EPC2: variants seen among roughly 807,000 people sequenced by gnomAD.
EPC2 encodes the protein enhancer of polycomb homolog 2.
A neutral mutation model predicts 92.1 loss-of-function variants in EPC2; 14 were observed. The ratio of observed to expected loss-of-function variants is 0.15; its 90% confidence interval spans 0.10 to 0.24. EPC2 has a LOEUF of 0.24. Among genes scored for constraint, EPC2 ranks in the 10% least tolerant of loss-of-function variants. The probability of loss-of-function intolerance (pLI) is 1.00; values close to 1 mark genes in which losing one functional copy is unlikely to be tolerated. For missense variants in EPC2, 755 were observed against 971.5 expected, an observed-to-expected ratio of 0.78 and a Z score of 2.96; for synonymous variants, 340 against 334.7, an observed-to-expected ratio of 1.02 and a Z score of -0.17.
rs1430623953 is a variant in EPC2, at chr2:148,771,351, G to A, written c.1684G>A (p.Val562Ile). Reference protein sequence around the residue: ...VNNKRVSAASVALLNTSKNGI... With the variant: ...VNNKRVSAASIALLNTSKNGI... Reference sequence around the variant, plus strand: ...CAATAAAAGAGTTTCTGCAGCATCTGTAGCTTTATTGAACACCAGCAAGAA... The same window carrying A: ...CAATAAAAGAGTTTCTGCAGCATCTATAGCTTTATTGAACACCAGCAAGAA... Residue 562 changes from valine (V) to isoleucine (I), a missense_variant, in exon 10 of 14, where the codon GTA (valine) becomes ATA (isoleucine). Coordinates refer to ENST00000258484, the MANE Select transcript of EPC2 (RefSeq NM_015630.4). 5 of 1,608,560 alleles carry A rather than the reference G, an allele frequency of 3.1e-6. No homozygotes were observed. Among genetic ancestry groups the A allele is most frequent in the Middle Eastern group, 1.7e-4 (1 of 6,030 alleles).
At chr2:148,722,597 A>G (rs1278117446) in intron 2 of EPC2, among the ~76,000 whole-genome samples, 3 of 152,220 alleles carry the variant, frequency 2.0e-5, no homozygotes, top group African/African-American at 4.8e-5. Context: ...TAGTTCAGCC[A>G]TTGTGGAAGC....
chr2:148,774,920 T>C (rs1683597571), intron 10 of EPC2, among the ~76,000 whole-genome samples: 1 of 151,326 alleles, frequency 6.6e-6, no homozygotes, highest in African/African-American at 2.4e-5. Context: ...ACCCCGACTC[T>C]ACTAAAAATA....
chr2:148,732,644 G>T (rs1421373348), intron 2 of EPC2, among the ~76,000 whole-genome samples: 2 of 152,018 alleles, frequency 1.3e-5, no homozygotes, highest in African/African-American at 4.8e-5. Context: ...GCCTTCCAAA[G>T]TGCTGGGATT....
At position 148,770,838 on chromosome 2, in the gene EPC2, C is replaced by A. The variant is rs1683502370; in HGVS notation, c.1277C>A (p.Ala426Glu). 6.2e-7 allele frequency: 1 copy of A among 1,613,566 alleles called. No individual in the cohort carries two copies. The highest frequency in any genetic ancestry group is 8.5e-7 in the Non-Finnish European group (1 of 1,179,758). ...ANHSCENSEL[A>E]DLDKLRYRHC... ...CATTCATGTGAAAATTCAGAATTGG[C>A]AGATTTGGATAAGTTGAGGTATAGG... The change falls in exon 9 of 14, where the codon GCA (alanine) becomes GAA (glutamate). Residue 426 changes from alanine to glutamate, a missense_variant. Physicochemically the swap from Ala to Glu is moderately radical, Grantham distance 107. Transcript: ENST00000258484.
chr2:148,783,471 T>A, intron 11 of EPC2, 126 bp from the exon 12 acceptor site: 1 of 834,690 alleles, frequency 1.2e-6, no homozygotes, highest in Non-Finnish European at 1.8e-6. Flanking sequence ...CGTAGATCGC[T>A]TAATCTAAAC....
intron 2 of EPC2, among the ~76,000 whole-genome samples, chr2:148,715,096 C>T (rs1341493956): frequency 2.1e-5 from 3 of 142,548 alleles, no homozygotes; most frequent in Non-Finnish European, 4.5e-5. Flanking sequence ...TGCAGTGGCA[C>T]GATCTCAGCT....
intron 1 of EPC2, among the ~76,000 whole-genome samples, chr2:148,671,618 A>C (rs904348826): frequency 1.3e-5 from 2 of 152,052 alleles, no homozygotes; most frequent in Non-Finnish European, 2.9e-5. Flanking sequence ...CATCCCCCCA[A>C]AAAAAGTCAT....
intron 2 of EPC2, chr2:148,691,468 C>T: frequency 1.3e-6 from 2 of 1,513,068 alleles, no homozygotes; most frequent in East Asian, 4.9e-5. Flanking sequence ...TCTGAAACAT[C>T]ACCAGCTTTA....
intron 6 of EPC2, among the ~76,000 whole-genome samples, chr2:148,763,836 T>G (rs1338978247): frequency 1.3e-5 from 2 of 152,246 alleles, no homozygotes; most frequent in African/African-American, 4.8e-5. Flanking sequence ...AGGTATGTGA[T>G]TGTTAAGCAT....
intron 1 of EPC2, among the ~76,000 whole-genome samples, chr2:148,677,037 T>C (rs912822803): frequency 2.6e-5 from 4 of 152,186 alleles, no homozygotes; most frequent in South Asian, 2.1e-4. Context: ...GGAATTGATA[T>C]TACCTCTGTC....
chr2:148,658,963 G>A (rs1174359061), intron 1 of EPC2, among the ~76,000 whole-genome samples: 2 of 152,068 alleles, frequency 1.3e-5, no homozygotes, highest in African/African-American at 4.8e-5. Flanking sequence ...ATATCCTCAA[G>A]TTTGTATTTG....
At chr2:148,768,016 C>G (rs565280377) in intron 7 of EPC2, among the ~76,000 whole-genome samples, 5 of 152,196 alleles carry the variant, frequency 3.3e-5, no homozygotes, top group Non-Finnish European at 7.3e-5. Context: ...TGTGTCTCCC[C>G]CATAGGGTTG....
intron 2 of EPC2, among the ~76,000 whole-genome samples, chr2:148,719,201 G>T (rs1682320635): frequency 6.6e-6 from 1 of 152,086 alleles, no homozygotes. Flanking sequence ...CTTTAGCTCA[G>T]TGAACTTCGT....
intron 3 of EPC2, 126 bp from the exon 4 acceptor site, chr2:148,753,801 C>A: frequency 1.5e-6 from 1 of 668,978 alleles, no homozygotes; most frequent in Non-Finnish European, 2.5e-6. Context: ...ATTGTGTCTT[C>A]ACTTACTATA....
intron 1 of EPC2, among the ~76,000 whole-genome samples, chr2:148,675,375 C>CATTT (rs1336378991): frequency 6.6e-6 from 1 of 152,098 alleles, no homozygotes; most frequent in Non-Finnish European, 1.5e-5. Flanking sequence ...TTTTCTTGAA[C>CATTT]ATTTCTTTTT....
chr2:148,702,161 G>T (rs1681905361), intron 2 of EPC2, among the ~76,000 whole-genome samples: 1 of 151,412 alleles, frequency 6.6e-6, no homozygotes, highest in South Asian at 2.1e-4. Flanking sequence ...GCTTGTTTTT[G>T]TAAACTGATT....
rs192366477 is a variant in EPC2 at position 148,661,852 on chromosome 2, C to T, written c.153+16682C>T. Among the ~76,000 whole-genome samples, 326 of 152,170 alleles carry T rather than the reference C, an allele frequency of 2.1e-3. 3 individuals carry two copies. The highest frequency in any genetic ancestry group is 3.1e-3 in the South Asian group (15 of 4,828). On this transcript the variant is annotated intron_variant, in intron 1 of 13. Transcript: ENST00000258484. ...ATAATTAGTGATGAATAGTATAATA[C>T]TGAACCATACTAGCTTTCCTAGAAT... is the stretch of plus-strand genomic sequence containing the variant.
chr2:148,736,656 C>G (rs1259694476), intron 2 of EPC2, among the ~76,000 whole-genome samples: 1 of 151,992 alleles, frequency 6.6e-6, no homozygotes, highest in South Asian at 2.1e-4. Flanking sequence ...AAGGTTTTAG[C>G]CTTCCACACT....
At chr2:148,761,472 A>C (rs181845911) in intron 4 of EPC2, among the ~76,000 whole-genome samples, 191 of 152,320 alleles carry the variant, frequency 1.3e-3, no homozygotes, top group Non-Finnish European at 2.4e-3. Context: ...TGAATGGACT[A>C]CATTTTCTGA....
Sources: gnomAD v4.1 joint callset for allele counts (sites outside exome capture counted in the v4.1 genomes callset) on GRCh38, gnomAD v4.1.1 for gene constraint, MANE v1.5 for transcripts, NCBI Gene and HGNC (gene_info 2026-07-23, HGNC 2026-07-21) for gene names.